MSI2: variants seen among roughly 807,000 people sequenced by gnomAD.
The protein encoded by MSI2 is musashi RNA binding protein 2.
MSI2 carries 17 observed loss-of-function variants against 45.6 expected under a neutral mutation model. That is an observed-to-expected ratio of 0.37 (90% confidence interval 0.26 to 0.56). The LOEUF is 0.56. Ranked by LOEUF, MSI2 falls within the 20% of genes least tolerant of loss-of-function variation. MSI2 has a pLI of 0.77. For synonymous variants in MSI2, 156 were observed against 158.2 expected, an observed-to-expected ratio of 0.99 and a Z score of 0.11; for missense variants, 293 against 444.2, an observed-to-expected ratio of 0.66 and a Z score of 3.06.
At chr17:57,565,145 G>A (rs113115181) in intron 7 of MSI2, among the ~76,000 whole-genome samples, 5 of 152,296 alleles carry the variant, frequency 3.3e-5, no homozygotes, top group African/African-American at 1.2e-4. Flanking sequence ...CAGGGTGCCT[G>A]GTATTCGGCT....
intron 7 of MSI2, among the ~76,000 whole-genome samples, chr17:57,538,575 G>A (rs921570608): frequency 6.6e-6 from 1 of 152,102 alleles, no homozygotes; most frequent in African/African-American, 2.4e-5. Flanking sequence ...CCCACTCCCC[G>A]CAAGTGGAGA....
intron 6 of MSI2, among the ~76,000 whole-genome samples, chr17:57,514,626 G>A (rs1232590315): frequency 6.6e-6 from 1 of 151,024 alleles, no homozygotes; most frequent in Non-Finnish European, 1.5e-5. Flanking sequence ...TACTTGTTGG[G>A]TCTTGAAGCA....
rs1309415261 is a variant in MSI2, at chr17:57,652,425, C to T, written c.790+264C>T. ...TCTCTCCTTGAAAAAAAAAACAAAC[C>T]TGAGTTTCTTTTTGACTTTGACCAT... On this transcript the variant is annotated intron_variant, in intron 11 of 13. Coordinates refer to ENST00000284073, the MANE Select transcript of MSI2 (RefSeq NM_138962.4). This position sits in a 1 kb window ranked among gnomAD's most constrained non-coding sequence, Gnocchi z 4.1. Among the ~76,000 whole-genome samples the T allele has an allele frequency of 6.6e-6, 1 of 152,164 alleles. No individual in the cohort carries two copies. The highest frequency in any genetic ancestry group is 1.5e-5 in the Non-Finnish European group (1 of 67,994).
At chr17:57,442,087 A>C (rs908714839) in intron 6 of MSI2, among the ~76,000 whole-genome samples, 1 of 148,708 alleles carries the variant, frequency 6.7e-6, no homozygotes, top group Non-Finnish European at 1.5e-5. Context: ...TCCAGGCTGG[A>C]GTGCAGTGGT....
chr17:57,560,435 C>T (rs1466949311), intron 7 of MSI2, among the ~76,000 whole-genome samples: 1 of 152,184 alleles, frequency 6.6e-6, no homozygotes, highest in Non-Finnish European at 1.5e-5. Flanking sequence ...ACAAGGTCTG[C>T]TTCATGGACA....
intron 7 of MSI2, among the ~76,000 whole-genome samples, chr17:57,537,216 G>A (rs1340769727): frequency 6.6e-6 from 1 of 152,210 alleles, no homozygotes; most frequent in African/African-American, 2.4e-5. Flanking sequence ...CCAAGGTTCT[G>A]TGCCTCCAGT....
chr17:57,379,730 G>T lies in MSI2; in HGVS notation c.313-21649G>T, dbSNP rs542838016. 3.3e-3 allele frequency among the ~76,000 whole-genome samples: 508 copies of T among 152,184 alleles called. 5 individuals are homozygous for T. Among genetic ancestry groups the T allele is most frequent in the Non-Finnish European group, 5.9e-3 (403 of 67,980 alleles). ...TGTGGGGAGAGAAGTGGGGCCCCTG[G>T]AGTGGCCCCTCGCCCTCTTAACCCT... is the stretch of plus-strand genomic sequence containing the variant. On this transcript the variant is annotated intron_variant, in intron 5 of 13. Transcript: ENST00000284073.
chr17:57,392,655 T>G (rs1178145430), intron 5 of MSI2, among the ~76,000 whole-genome samples: 1 of 152,174 alleles, frequency 6.6e-6, no homozygotes, highest in Admixed American at 6.5e-5. Flanking sequence ...GTAATTAGTT[T>G]CCTTTGAAGT....
At chr17:57,563,746 G>GCGCGCACACACA (rs534460755) in intron 7 of MSI2, among the ~76,000 whole-genome samples, 5 of 139,398 alleles carry the variant, frequency 3.6e-5, no homozygotes, top group African/African-American at 1.1e-4. Context: ...ACACAGGCGC[G>GCGCGCACACACA]CACACACACA....
At chr17:57,494,742 CG>C (rs1215107347) in intron 6 of MSI2, among the ~76,000 whole-genome samples, 1 of 152,022 alleles carries the variant, frequency 6.6e-6, no homozygotes, top group Non-Finnish European at 1.5e-5. Flanking sequence ...AAACTTGTCC[CG>C]GACCACACAC....
intron 5 of MSI2, among the ~76,000 whole-genome samples, chr17:57,334,900 G>C (rs960377506): frequency 2.6e-5 from 4 of 151,192 alleles, no homozygotes; most frequent in Non-Finnish European, 5.9e-5. Context: ...AGGAGACTCT[G>C]AACTATGAAT....
intron 11 of MSI2, among the ~76,000 whole-genome samples, chr17:57,657,251 C>G (rs1255469628): frequency 6.6e-6 from 1 of 152,182 alleles, no homozygotes; most frequent in Admixed American, 6.5e-5. Context: ...TGCCACCAAA[C>G]AGGATGAGGG....
intron 6 of MSI2, among the ~76,000 whole-genome samples, chr17:57,429,428 C>T (rs2084554075): frequency 6.6e-6 from 1 of 152,248 alleles, no homozygotes; most frequent in Non-Finnish European, 1.5e-5. Context: ...CCAGTGACTC[C>T]TGCTGCCGCT....
chr17:57,693,527 T>C, the MSI2 span, among the ~76,000 whole-genome samples: 1 of 152,234 alleles, frequency 6.6e-6, no homozygotes, highest in East Asian at 1.9e-4. Flanking sequence ...TTTGTCTCTG[T>C]CACTTTTTTC....
At chr17:57,427,407 A>T (rs79296876) in intron 6 of MSI2, among the ~76,000 whole-genome samples, 120,357 of 151,614 alleles carry the variant, frequency 0.79, 48,979 homozygotes, top group East Asian at 0.94. Context: ...CCAAAAAAAA[A>T]AAATAAATAA....
chr17:57,616,262 GGT>G (rs919872592), intron 9 of MSI2, 178 bp downstream of exon 9: 394 of 551,266 alleles, frequency 7.1e-4, no homozygotes, highest in South Asian at 1.1e-3. Flanking sequence ...ATTAAGTGTG[GGT>G]GTGTGTGTGT....
chr17:57,336,809 A>C (rs933584101), intron 5 of MSI2, among the ~76,000 whole-genome samples: 10 of 152,194 alleles, frequency 6.6e-5, no homozygotes, highest in African/African-American at 2.2e-4. Flanking sequence ...ATTACCCCAG[A>C]ATTTAGCAAC....
At chr17:57,446,093 C>G (rs2084894710) in intron 6 of MSI2, among the ~76,000 whole-genome samples, 1 of 152,026 alleles carries the variant, frequency 6.6e-6, no homozygotes, top group Non-Finnish European at 1.5e-5. Context: ...CTTACTGATA[C>G]CGATCGGTGC....
Position 57,610,926 on chromosome 17 carries a change from G to T in MSI2, c.538-5044G>T, listed in dbSNP as rs1239449997. 2.1e-5 allele frequency among the ~76,000 whole-genome samples: 2 copies of T among 94,648 alleles called. 1 individual carries two copies. The highest frequency in any genetic ancestry group is 6.6e-5 in the African/African-American group (2 of 30,304). The allele number at this position is 94,648 out of a possible 152,430, so 62.1% of individuals were successfully genotyped here. A position where few individuals can be genotyped will look rare whatever the true frequency, so the allele number is the denominator to read the frequency against. On this transcript the variant is annotated intron_variant, in intron 8 of 13. Coordinates refer to ENST00000284073, the MANE Select transcript of MSI2 (RefSeq NM_138962.4). The stretch of plus-strand genomic sequence containing the variant: ...ATCCCATCAATTTTGTTGGGGTGGG[G>T]GGTGTTGGCACATCCCTGGTATTGG...
Sources: gnomAD v4.1 joint callset for allele counts (sites outside exome capture counted in the v4.1 genomes callset) on GRCh38, gnomAD v4.1.1 for gene constraint, Gnocchi (gnomAD v3.1) non-coding constraint, MANE v1.5 for transcripts, NCBI Gene and HGNC (gene_info 2026-07-23, HGNC 2026-07-21) for gene names.